Variants in ZNF362 observed in about 807,000 individuals in gnomAD.
ZNF362 encodes the protein zinc finger protein 362.
A neutral mutation model predicts 42.9 loss-of-function variants in ZNF362; 11 were observed. The ratio of observed to expected loss-of-function variants is 0.26; its 90% CI spans 0.16 to 0.42. The LOEUF is 0.42. Among genes scored for constraint, ZNF362 ranks in the 20% least tolerant of loss-of-function variants. The probability of loss-of-function intolerance (pLI) is 1.00; values close to 1 mark genes in which losing one functional copy is unlikely to be tolerated. For synonymous variants in ZNF362, 255 were observed against 257.3 expected, an observed-to-expected ratio of 0.99 and a Z score of 0.09; for missense variants, 362 against 576.2, an observed-to-expected ratio of 0.63 and a Z score of 3.81.
chr1:33,154,953 C>G, the ZNF362 span, among the ~76,000 whole-genome samples: 6 of 149,648 alleles, frequency 4.0e-5, no homozygotes, highest in Admixed American at 1.3e-4. Context: ...ATTAGCCAGG[C>G]GTCTTGGCAG....
rs554670116 is a variant in ZNF362 at position 33,258,602 on chromosome 1, C to T, written c.-89+1948C>T. Among the ~76,000 whole-genome samples, 13 of 152,258 alleles carry T rather than the reference C, an allele frequency of 8.5e-5. No individual in the cohort carries two copies. In the East Asian group the frequency reaches 1.9e-3, roughly 23 times the overall value. ...GGTAGAAGGAGACTGAGACCGGGACCTGGGTGTTCAGGCTTCCACTGCTGG... is the reference window on the plus strand; with the variant it reads ...GGTAGAAGGAGACTGAGACCGGGACTTGGGTGTTCAGGCTTCCACTGCTGG... On this transcript the variant is annotated intron_variant, in intron 1 of 8. Transcript: ENST00000539719.
At chr1:33,230,791 G>A in the ZNF362 span, among the ~76,000 whole-genome samples, 11 of 152,342 alleles carry the variant, frequency 7.2e-5, no homozygotes, top group East Asian at 1.2e-3. Flanking sequence ...GCTTCTCAAG[G>A]TGTGTTACTG....
chr1:33,275,700 A>G (rs1013922121), intron 2 of ZNF362, among the ~76,000 whole-genome samples: 2 of 152,184 alleles, frequency 1.3e-5, no homozygotes, highest in Non-Finnish European at 2.9e-5. Context: ...AATTTGCTGC[A>G]GTCCTCCCCA....
At chr1:33,230,567 C>G in the ZNF362 span, among the ~76,000 whole-genome samples, 1 of 152,232 alleles carries the variant, frequency 6.6e-6, no homozygotes, top group African/African-American at 2.4e-5. Context: ...GGGCCCAGTG[C>G]TAAGTGTTCG....
At chr1:33,166,634 T>A in the ZNF362 span, among the ~76,000 whole-genome samples, 2 of 152,050 alleles carry the variant, frequency 1.3e-5, no homozygotes, top group Non-Finnish European at 2.9e-5. Flanking sequence ...GATAAACATA[T>A]AATGGTAAAG....
chr1:33,250,852 G>GAAGAAGAAGAAGAA, the ZNF362 span, among the ~76,000 whole-genome samples: 10 of 137,484 alleles, frequency 7.3e-5, no homozygotes, highest in Admixed American at 2.3e-4. Flanking sequence ...GAAGAAAGAA[G>GAAGAAGAAGAAGAA]GAAGAAGAAG....
chr1:33,202,595 A>T, the ZNF362 span, among the ~76,000 whole-genome samples: 4 of 10,636 alleles, frequency 3.8e-4, no homozygotes, highest in Non-Finnish European at 5.6e-4. Flanking sequence ...GAGACTCCAT[A>T]AAAAAAAAAA....
At position 33,281,154 on chromosome 1, in the gene ZNF362, G is replaced by T. The variant is rs969553077; in HGVS notation, c.684-433G>T. 6.6e-6 allele frequency among the ~76,000 whole-genome samples: 1 copy of T among 152,188 alleles called. No individual in the cohort carries two copies. Among genetic ancestry groups the T allele is most frequent in the Non-Finnish European group, 1.5e-5 (1 of 68,028 alleles). On this transcript the variant is annotated intron_variant, in intron 5 of 8. Coordinates refer to ENST00000539719, the MANE Select transcript of ZNF362 (RefSeq NM_152493.3). This position sits in a 1 kb window ranked among gnomAD's most constrained non-coding sequence, Gnocchi z 4.8. ...TGCGGATGCCAGGGCTGCATCTCCA[G>T]GAATTCTGAGTTAATTTTCTGAGGA...
the ZNF362 span, among the ~76,000 whole-genome samples, chr1:33,205,186 A>G: frequency 6.6e-6 from 1 of 152,142 alleles, no homozygotes; most frequent in Non-Finnish European, 1.5e-5. Flanking sequence ...TTAAAATTCT[A>G]AAAAATGCAG....
intron 6 of ZNF362, chr1:33,282,046 T>G: frequency 1.8e-6 from 1 of 557,914 alleles, no homozygotes; most frequent in East Asian, 3.0e-5. Context: ...GACACCCCTC[T>G]CCCGCTTTTC....
chr1:33,275,552 A>G (rs966009609), intron 2 of ZNF362, among the ~76,000 whole-genome samples: 1 of 152,236 alleles, frequency 6.6e-6, no homozygotes. Flanking sequence ...CATTTGGGTC[A>G]CTGTAAATTG....
the ZNF362 span, chr1:33,147,425 C>T: frequency 6.2e-7 from 1 of 1,614,104 alleles, no homozygotes; most frequent in Non-Finnish European, 8.5e-7. The surrounding 1 kb of genome is among the most constrained non-coding windows in gnomAD (Gnocchi z 8.1). Context: ...TACTGGTTGC[C>T]ATCGTGCATC....
chr1:33,134,035 C>T, the ZNF362 span, among the ~76,000 whole-genome samples: 2 of 152,208 alleles, frequency 1.3e-5, no homozygotes, highest in Non-Finnish European at 2.9e-5. Flanking sequence ...GAGGCTAAAA[C>T]GTTTATAAGG....
At chr1:33,249,659 G>A in the ZNF362 span, among the ~76,000 whole-genome samples, 1 of 152,148 alleles carries the variant, frequency 6.6e-6, no homozygotes, top group Non-Finnish European at 1.5e-5. Flanking sequence ...CTAGTTTGCG[G>A]TTTAAATGAC....
At chr1:33,130,166 T>C in the ZNF362 span, among the ~76,000 whole-genome samples, 1 of 152,206 alleles carries the variant, frequency 6.6e-6, no homozygotes, top group African/African-American at 2.4e-5. Context: ...GCCGTAGCTT[T>C]GCACTTTAGA....
At chr1:33,201,208 C>T in the ZNF362 span, among the ~76,000 whole-genome samples, 2 of 152,152 alleles carry the variant, frequency 1.3e-5, no homozygotes, top group African/African-American at 4.8e-5. Context: ...GAGATTCCAA[C>T]ACCCTTCTAT....
intron 1 of ZNF362, among the ~76,000 whole-genome samples, chr1:33,267,747 C>T (rs1385904293): frequency 6.6e-6 from 1 of 152,186 alleles, no homozygotes; most frequent in Non-Finnish European, 1.5e-5. Context: ...GGTAACATGA[C>T]TTAAACAGAA....
the ZNF362 span, chr1:33,146,875 C>T: frequency 2.4e-6 from 1 of 412,564 alleles, no homozygotes; most frequent in Non-Finnish European, 4.5e-6. Flanking sequence ...AAGGTAGTCC[C>T]CTGCCCCTGA....
At chr1:33,228,264 G>T in the ZNF362 span, among the ~76,000 whole-genome samples, 2 of 152,038 alleles carry the variant, frequency 1.3e-5, no homozygotes, top group Admixed American at 1.3e-4. Flanking sequence ...CCTTCCAGTT[G>T]CCCAAGCCTG....
Sources: allele counts gnomAD v4.1 joint callset (sites outside exome capture counted in the v4.1 genomes callset), GRCh38; gene constraint gnomAD v4.1.1; non-coding constraint Gnocchi (gnomAD v3.1); transcripts MANE v1.5; gene names NCBI Gene and HGNC (gene_info 2026-07-23, HGNC 2026-07-21).